The following HOMER1 variants were observed in gnomAD, a reference collection of about 807,000 sequenced individuals.
The protein encoded by HOMER1 is homer protein homolog 1.
A neutral mutation model predicts 48.9 loss-of-function variants in HOMER1; 3 were observed. The observed-to-expected ratio is 0.06, with a 90% confidence interval of 0.03 to 0.16. The LOEUF (loss-of-function observed/expected upper bound fraction) is 0.16, where lower values mean the gene tolerates loss of function less well. Ranked by LOEUF, HOMER1 falls within the 10% of genes least tolerant of loss-of-function variation. The probability of loss-of-function intolerance (pLI) is 1.00; values close to 1 mark genes in which losing one functional copy is unlikely to be tolerated. For missense variants in HOMER1, 247 were observed against 411.4 expected (o/e 0.60, Z 3.46); for synonymous variants, 134 against 146.4 (o/e 0.92, Z 0.61).
chr5:79,401,417 G>A (rs1749534415), intron 6 of HOMER1, among the ~76,000 whole-genome samples: 2 of 152,152 alleles, frequency 1.3e-5, no homozygotes, highest in Admixed American at 6.5e-5. Flanking sequence ...GATAATAACC[G>A]GCAGAACTGG....
Position 79,378,221 on chromosome 5 carries a change from T to TTAAAAAAAAAAAAAAAA in HOMER1, c.877-2025_877-2024insTTTTTTTTTTTTTTTTA, listed in dbSNP as rs756900477. 5.1e-5 allele frequency among the ~76,000 whole-genome samples: 5 copies of TTAAAAAAAAAAAAAAAA among 97,482 alleles called. 1 individual carries two copies. The highest frequency in any genetic ancestry group is 1.4e-4 in the African/African-American group (3 of 21,376). The allele number at this position is 97,482 out of a possible 152,430, so 64.0% of individuals were successfully genotyped here. A position where few individuals can be genotyped will look rare whatever the true frequency, so the allele number is the denominator to read the frequency against. On this transcript the variant is annotated intron_variant, in intron 8 of 8. Coordinates refer to ENST00000334082, the MANE Select transcript of HOMER1 (RefSeq NM_004272.5). ...TGGGGTGACAGAGTAAGACTCTGTC[T>TTAAAAAAAAAAAAAAAA]CAAAAAAAAAAAAAAAAAAAGGAAA...
rs1751443051 is a variant in HOMER1 at position 79,465,627 on chromosome 5, C to A, written c.6-8609G>T. Among the ~76,000 whole-genome samples, 3 of 111,190 alleles carry A rather than the reference C, an allele frequency of 2.7e-5. No individual in the cohort carries two copies. The Middle Eastern group carries it at 0.029, about 1,069-fold the overall frequency. 72.9% of individuals were successfully genotyped at this position (111,190 alleles called of 152,430 possible). On this transcript the variant is annotated intron_variant, in intron 1 of 8. Coordinates refer to ENST00000334082, the MANE Select transcript of HOMER1 (RefSeq NM_004272.5). Reference sequence around the variant, plus strand: ...TTTTTTTTTGAGACAGAGTCTCGCTCTGTCGCCCAGGCTGGAGTGCAGTGG... The same window carrying A: ...TTTTTTTTTGAGACAGAGTCTCGCTATGTCGCCCAGGCTGGAGTGCAGTGG...
intron 5 of HOMER1, among the ~76,000 whole-genome samples, chr5:79,409,399 C>T (rs1263233942): frequency 2.0e-5 from 3 of 148,034 alleles, no homozygotes. Context: ...TCCGTTGCAC[C>T]CCAGCCTCGG....
chr5:79,435,749 T>C (rs1000504136), intron 5 of HOMER1, among the ~76,000 whole-genome samples: 2 of 150,684 alleles, frequency 1.3e-5, no homozygotes, highest in Non-Finnish European at 3.0e-5. Flanking sequence ...GAGAATGGCA[T>C]GAACCTGGGA....
At chr5:79,463,619 C>T (rs1342235848) in intron 1 of HOMER1, among the ~76,000 whole-genome samples, 2 of 152,224 alleles carry the variant, frequency 1.3e-5, no homozygotes, top group Non-Finnish European at 2.9e-5. Flanking sequence ...AAGAGGCTTA[C>T]TTACAATAAA....
chr5:79,499,687 T>G (rs1292269472), intron 1 of HOMER1, among the ~76,000 whole-genome samples: 8 of 152,144 alleles, frequency 5.3e-5, no homozygotes, highest in African/African-American at 1.7e-4. Context: ...GGCAAAAAAC[T>G]TACAGACCAT....
intron 8 of HOMER1, among the ~76,000 whole-genome samples, chr5:79,380,722 G>A (rs555858888): frequency 5.3e-5 from 8 of 152,088 alleles, no homozygotes; most frequent in Non-Finnish European, 1.0e-4. Flanking sequence ...TAATCGGGGG[G>A]TAGGGGGAGT....
At chr5:79,405,651 T>C (rs1749644199) in intron 5 of HOMER1, among the ~76,000 whole-genome samples, 1 of 152,172 alleles carries the variant, frequency 6.6e-6, no homozygotes, top group South Asian at 2.1e-4. Flanking sequence ...ATTACACCCA[T>C]CCTTTCACTT....
intron 5 of HOMER1, among the ~76,000 whole-genome samples, chr5:79,403,501 C>A (rs1167343588): frequency 2.0e-5 from 3 of 152,078 alleles, no homozygotes; most frequent in African/African-American, 7.2e-5. Context: ...TAACTTCAGT[C>A]AAACAATGAG....
chr5:79,462,669 G>A (rs1333663342), intron 1 of HOMER1, among the ~76,000 whole-genome samples: 1 of 152,138 alleles, frequency 6.6e-6, no homozygotes, highest in African/African-American at 2.4e-5. Context: ...TATTTTCCAG[G>A]AGATACATAA....
At chr5:79,490,811 G>C (rs1299285546) in intron 1 of HOMER1, among the ~76,000 whole-genome samples, 3 of 149,318 alleles carry the variant, frequency 2.0e-5, no homozygotes, top group African/African-American at 7.4e-5. Context: ...AAATTAGCCA[G>C]GCATGGTGAC....
chr5:79,451,071 A>C lies in HOMER1; in HGVS notation c.213T>G (p.Ser71=), dbSNP rs1314227994. The C allele has an allele frequency of 6.2e-7, 1 of 1,613,924 alleles. No individual in the cohort carries two copies. Among genetic ancestry groups the C allele is most frequent in the Middle Eastern group, 1.7e-4 (1 of 6,060 alleles). ...ITPNMTFTKT[S]QKFGQWADSR... ...TATCAGCCCACTGGCCAAACTTCTG[A>C]GATGTTTTAGTAAATGTCATGTTTG... Residue 71 remains serine, a synonymous_variant, in exon 3 of 9, where the codon TCT becomes TCG. Transcript: ENST00000334082.
chr5:79,381,956 T>C (rs1274908209), intron 8 of HOMER1, among the ~76,000 whole-genome samples: 2 of 149,802 alleles, frequency 1.3e-5, no homozygotes, highest in Non-Finnish European at 3.0e-5. Flanking sequence ...CAAAGAGATA[T>C]ACACTATAAA....
chr5:79,442,225 G>C (rs1415654701), intron 4 of HOMER1, among the ~76,000 whole-genome samples: 1 of 152,072 alleles, frequency 6.6e-6, no homozygotes, highest in Non-Finnish European at 1.5e-5. Context: ...ACAAATCTGA[G>C]AGAGTATCAA....
At chr5:79,509,143 T>A (rs1447819871) in intron 1 of HOMER1, among the ~76,000 whole-genome samples, 1 of 152,218 alleles carries the variant, frequency 6.6e-6, no homozygotes, top group Non-Finnish European at 1.5e-5. Flanking sequence ...AGACTCAGTT[T>A]GGGCTGCAAT....
chr5:79,499,912 T>C (rs1236579191), intron 1 of HOMER1, among the ~76,000 whole-genome samples: 2 of 152,174 alleles, frequency 1.3e-5, no homozygotes, highest in African/African-American at 4.8e-5. Flanking sequence ...TCATCCTTTT[T>C]AGGGCAATAC....
chr5:79,423,433 G>C (rs979514560), intron 5 of HOMER1, among the ~76,000 whole-genome samples: 2 of 152,124 alleles, frequency 1.3e-5, no homozygotes, highest in Non-Finnish European at 2.9e-5. Flanking sequence ...CATTATTGTT[G>C]AAAAGTTGTA....
intron 1 of HOMER1, among the ~76,000 whole-genome samples, chr5:79,457,993 T>C (rs10071876): frequency 0.19 from 29,261 of 152,112 alleles, 3,152 homozygotes; most frequent in South Asian, 0.37. Context: ...AAGAACTTAC[T>C]GGGAAAACAT....
chr5:79,489,345 A>G (rs1348160942), intron 1 of HOMER1, among the ~76,000 whole-genome samples: 2 of 152,188 alleles, frequency 1.3e-5, no homozygotes, highest in Non-Finnish European at 2.9e-5. Context: ...GCCAAGCAAC[A>G]GAAGGCTAGG....
Sources: gnomAD v4.1 joint callset for allele counts (sites outside exome capture counted in the v4.1 genomes callset) on GRCh38, gnomAD v4.1.1 for gene constraint, MANE v1.5 for transcripts, NCBI Gene and HGNC (gene_info 2026-07-23, HGNC 2026-07-21) for gene names.